The following WWOX variants were observed in gnomAD, a reference collection of about 807,000 sequenced individuals.
WWOX encodes WW domain containing oxidoreductase.
In WWOX, 69 loss-of-function variants were observed where a neutral mutation model predicts 46.2. The ratio of observed to expected loss-of-function variants is 1.49; its 90% confidence interval spans 1.23 to 1.82. WWOX has a LOEUF of 1.82. WWOX is among the 40% of genes most tolerant of loss of function. WWOX has a pLI of 0.00. For synonymous variants in WWOX, 359 were observed against 202.6 expected (o/e 1.77, Z -6.56); for missense variants, 919 against 542.6 (o/e 1.69, Z -6.89).
At chr16:78,997,145 C>T (rs915816790) in intron 8 of WWOX, among the ~76,000 whole-genome samples, 14 of 150,290 alleles carry the variant, frequency 9.3e-5, no homozygotes, top group African/African-American at 3.2e-4. Context: ...CGTGTGTGTG[C>T]CTGGTGAGGG....
intron 8 of WWOX, among the ~76,000 whole-genome samples, chr16:79,061,828 A>G (rs1231503211): frequency 1.3e-5 from 2 of 152,118 alleles, no homozygotes; most frequent in South Asian, 2.1e-4. Context: ...TTCTTTGAGT[A>G]TACTCACCAC....
At chr16:78,562,484 C>G (rs2738519) in intron 8 of WWOX, among the ~76,000 whole-genome samples, 1 of 152,190 alleles carries the variant, frequency 6.6e-6, no homozygotes, top group Non-Finnish European at 1.5e-5. Context: ...CCTAACCTCC[C>G]AGGTTCATGG....
chr16:78,352,592 G>A (rs978845722), intron 5 of WWOX, among the ~76,000 whole-genome samples: 1 of 152,180 alleles, frequency 6.6e-6, no homozygotes, highest in African/African-American at 2.4e-5. Context: ...ACTTCAGGGA[G>A]TCTACCCTGA....
At chr16:78,646,958 C>T (rs1231544599) in intron 8 of WWOX, among the ~76,000 whole-genome samples, 1 of 152,134 alleles carries the variant, frequency 6.6e-6, no homozygotes, top group Non-Finnish European at 1.5e-5. Flanking sequence ...GTGGAAGTGA[C>T]AACTCTAGGC....
intron 5 of WWOX, among the ~76,000 whole-genome samples, chr16:78,224,623 A>G (rs2036991981): frequency 6.6e-6 from 1 of 152,170 alleles, no homozygotes; most frequent in Non-Finnish European, 1.5e-5. Flanking sequence ...GTGGAATTGC[A>G]ATGAATGTTT....
chr16:78,941,537 G>A (rs946218121), intron 8 of WWOX, among the ~76,000 whole-genome samples: 1 of 151,944 alleles, frequency 6.6e-6, no homozygotes, highest in Non-Finnish European at 1.5e-5. Flanking sequence ...TATGAAGCTG[G>A]GGACGGGGGG....
chr16:78,784,839 A>C (rs1224721333), intron 8 of WWOX, among the ~76,000 whole-genome samples: 3 of 152,160 alleles, frequency 2.0e-5, no homozygotes, highest in African/African-American at 7.2e-5. Context: ...AGGGATACTC[A>C]TGGTTGAAGG....
chr16:78,368,175 G>C (rs2081584886), intron 5 of WWOX, among the ~76,000 whole-genome samples: 1 of 152,172 alleles, frequency 6.6e-6, no homozygotes. Flanking sequence ...GTAGAATAAG[G>C]CCATGTCTGT....
intron 5 of WWOX, among the ~76,000 whole-genome samples, chr16:78,273,321 C>T (rs972052180): frequency 3.3e-5 from 5 of 151,250 alleles, no homozygotes; most frequent in African/African-American, 9.7e-5. Flanking sequence ...CTAAGTTTCC[C>T]CAAGCTGATC....
chr16:78,956,404 C>G lies in WWOX; in HGVS notation c.1057-255204C>G, dbSNP rs527250102. On this transcript the variant is annotated intron_variant, in intron 8 of 8. Transcript: ENST00000566780. ...TCCTGACCTCAAGTGATCCGCCCATCTCGGCCTCCCCAAGTGCTGGGATTA... is the reference window on the plus strand; with the variant it reads ...TCCTGACCTCAAGTGATCCGCCCATGTCGGCCTCCCCAAGTGCTGGGATTA... Among the ~76,000 whole-genome samples, 11 of 152,246 alleles carry G rather than the reference C, an allele frequency of 7.2e-5. No homozygotes were observed. The South Asian group carries it at 2.3e-3, about 32-fold the overall frequency.
At chr16:78,999,336 G>A (rs1412600910) in intron 8 of WWOX, among the ~76,000 whole-genome samples, 1 of 152,084 alleles carries the variant, frequency 6.6e-6, no homozygotes, top group Non-Finnish European at 1.5e-5. Flanking sequence ...CAGGCGTAGT[G>A]GCACATGCCT....
chr16:79,095,414 A>G lies in WWOX; in HGVS notation c.1057-116194A>G, dbSNP rs555758043. On this transcript the variant is annotated intron_variant, in intron 8 of 8. Coordinates refer to ENST00000566780, the MANE Select transcript of WWOX (RefSeq NM_016373.4). ...AGAATGGAGAAATTGAGGCACGGACAAAATAAATGGCAGGTGGAAGGTCAG... is the reference window on the plus strand; with the variant it reads ...AGAATGGAGAAATTGAGGCACGGACGAAATAAATGGCAGGTGGAAGGTCAG... 5.3e-5 allele frequency among the ~76,000 whole-genome samples: 8 copies of G among 152,318 alleles called. No individual in the cohort carries two copies. In the South Asian group the frequency reaches 1.7e-3, roughly 32 times the overall value.
chr16:78,388,710 C>G lies in WWOX; in HGVS notation c.605+1762C>G, dbSNP rs547315994. Among the ~76,000 whole-genome samples the G allele has an allele frequency of 3.2e-4, 48 of 151,420 alleles. 1 individual carries two copies. In the South Asian group the frequency reaches 9.4e-3, roughly 30 times the overall value. On this transcript the variant is annotated intron_variant, in intron 6 of 8. Coordinates refer to ENST00000566780, the MANE Select transcript of WWOX (RefSeq NM_016373.4). The stretch of plus-strand genomic sequence containing the variant: ...CTCAGCCTGGCGTGGTGGCTCACGC[C>G]TGTAATCCCAGCACTTTGTGAGGCC...
chr16:78,254,038 G>A (rs1037136349), intron 5 of WWOX, among the ~76,000 whole-genome samples: 32 of 152,112 alleles, frequency 2.1e-4, no homozygotes, highest in Non-Finnish European at 3.8e-4. Context: ...AGGTCTCTGT[G>A]TGATGGTCTT....
In WWOX at chr16:78,911,931, A is replaced by G. The variant is rs575437519; in HGVS notation, c.1057-299677A>G. Among the ~76,000 whole-genome samples, 4 of 152,150 alleles carry G rather than the reference A, an allele frequency of 2.6e-5. No homozygotes were observed. In the South Asian group the frequency reaches 8.3e-4, roughly 32 times the overall value. On this transcript the variant is annotated intron_variant, in intron 8 of 8. Coordinates refer to ENST00000566780, the MANE Select transcript of WWOX (RefSeq NM_016373.4). ...CTCAAGCTTAGTGTGTGCAAGACTC[A>G]TGGATGCTGCTTGTTATAAAGGAAG...
chr16:78,355,780 C>G, intron 5 of WWOX: 2 of 712,794 alleles, frequency 2.8e-6, no homozygotes. Flanking sequence ...TTCCAGTGTT[C>G]TTTCTCCGGG....
intron 8 of WWOX, among the ~76,000 whole-genome samples, chr16:78,881,348 C>A (rs1264368855): frequency 2.0e-5 from 3 of 152,174 alleles, no homozygotes; most frequent in Non-Finnish European, 2.9e-5. Flanking sequence ...CAGGCAAAAT[C>A]TGAAAAATGT....
At chr16:78,928,203 C>CTTTT (rs969068848) in intron 8 of WWOX, among the ~76,000 whole-genome samples, 3 of 134,218 alleles carry the variant, frequency 2.2e-5, no homozygotes, top group African/African-American at 5.6e-5. Context: ...TACCACTTTT[C>CTTTT]TTTTTTTTTT....
chr16:78,651,173 A>G (rs1245017149), intron 8 of WWOX, among the ~76,000 whole-genome samples: 3 of 152,216 alleles, frequency 2.0e-5, no homozygotes, highest in African/African-American at 7.2e-5. Flanking sequence ...TATTTTAAGC[A>G]TCAAAGTAGC....
Sources: gnomAD v4.1 joint callset for allele counts (sites outside exome capture counted in the v4.1 genomes callset) on GRCh38, gnomAD v4.1.1 for gene constraint, MANE v1.5 for transcripts, NCBI Gene and HGNC (gene_info 2026-07-23, HGNC 2026-07-21) for gene names.